The following FRMD4A variants were observed in gnomAD, a reference collection of about 807,000 sequenced individuals.
The protein encoded by FRMD4A is FERM domain containing 4A, also known as FERM domain-containing protein 4A.
A neutral mutation model predicts 129.1 loss-of-function variants in FRMD4A; 29 were observed. The ratio of observed to expected loss-of-function variants is 0.22; its 90% CI spans 0.17 to 0.31. The LOEUF (loss-of-function observed/expected upper bound fraction) is 0.31, where lower values mean the gene tolerates loss of function less well. FRMD4A is among the 10% of genes least tolerant of loss of function. The pLI is 1.00. For synonymous variants in FRMD4A, 634 were observed against 571.6 expected, an observed-to-expected ratio of 1.11 and a Z score of -1.56; for missense variants, 1,272 against 1,375.8, an observed-to-expected ratio of 0.92 and a Z score of 1.19.
chr10:13,977,509 T>A (rs1387670711), intron 2 of FRMD4A, among the ~76,000 whole-genome samples: 1 of 152,212 alleles, frequency 6.6e-6, no homozygotes. Context: ...TGAGATATAA[T>A]TGATATACCG....
intron 2 of FRMD4A, among the ~76,000 whole-genome samples, chr10:14,005,456 T>C (rs536630468): frequency 6.6e-6 from 1 of 152,228 alleles, no homozygotes; most frequent in Non-Finnish European, 1.5e-5. Context: ...GGTTAAGAAG[T>C]TGCAGTTCCT....
intron 2 of FRMD4A, among the ~76,000 whole-genome samples, chr10:14,184,144 T>A: frequency 7.0e-6 from 1 of 143,242 alleles, no homozygotes; most frequent in African/African-American, 2.6e-5. Context: ...TTTTTTTTTT[T>A]TTTTTGAGAG....
At chr10:13,871,761 G>C (rs531161333) in intron 2 of FRMD4A, among the ~76,000 whole-genome samples, 1 of 152,180 alleles carries the variant, frequency 6.6e-6, no homozygotes, top group African/African-American at 2.4e-5. Flanking sequence ...TGGACTGCTG[G>C]GGATGCCAAG....
intron 2 of FRMD4A, among the ~76,000 whole-genome samples, chr10:14,221,145 G>A (rs1843246545): frequency 1.3e-5 from 2 of 152,170 alleles, no homozygotes; most frequent in Admixed American, 1.3e-4. Context: ...GCAAACTCAG[G>A]TTCCTCCTTG....
At chr10:14,284,947 G>T (rs1030723538) in intron 2 of FRMD4A, among the ~76,000 whole-genome samples, 5 of 152,120 alleles carry the variant, frequency 3.3e-5, no homozygotes, top group Admixed American at 2.0e-4. Context: ...CTACAAAATT[G>T]CAGGGAACCA....
chr10:13,978,434 C>A (rs2095549574), intron 2 of FRMD4A, among the ~76,000 whole-genome samples: 1 of 152,148 alleles, frequency 6.6e-6, no homozygotes, highest in Non-Finnish European at 1.5e-5. Flanking sequence ...CTCTCACACC[C>A]ACCATGGGGC....
At chr10:14,285,872 T>A (rs1263818641) in intron 2 of FRMD4A, among the ~76,000 whole-genome samples, 1 of 152,204 alleles carries the variant, frequency 6.6e-6, no homozygotes, top group Non-Finnish European at 1.5e-5. Context: ...TCCAGTAAAC[T>A]AATCAAATGG....
chr10:14,224,075 G>A (rs1164955718), intron 2 of FRMD4A, among the ~76,000 whole-genome samples: 4 of 152,166 alleles, frequency 2.6e-5, no homozygotes, highest in Non-Finnish European at 4.4e-5. Flanking sequence ...GGAGTCCTGT[G>A]GCTCTCACAA....
At chr10:13,942,684 C>T (rs1300798536) in intron 2 of FRMD4A, among the ~76,000 whole-genome samples, 1 of 152,090 alleles carries the variant, frequency 6.6e-6, no homozygotes, top group African/African-American at 2.4e-5. Context: ...CCTGTAATCC[C>T]AGCACTTTAG....
intron 14 of FRMD4A, among the ~76,000 whole-genome samples, chr10:13,699,046 A>G (rs1331522464): frequency 7.2e-6 from 1 of 138,268 alleles, no homozygotes; most frequent in East Asian, 2.1e-4. Context: ...TAATTTATCT[A>G]CAATAATCTT....
In FRMD4A at chr10:13,769,053, C is replaced by T. The variant is rs571035225; in HGVS notation, c.385-6373G>A. ...TCGCCCAGGCTGGAGTGTAGTGGCG[C>T]GATTTCGGCTCACTGCAAGCTCTGC... On this transcript the variant is annotated intron_variant, in intron 6 of 24. Coordinates refer to ENST00000357447, the MANE Select transcript of FRMD4A (RefSeq NM_018027.5). 1.0e-4 allele frequency among the ~76,000 whole-genome samples: 15 copies of T among 143,570 alleles called. No individual in the cohort carries two copies. In the East Asian group the frequency reaches 2.9e-3, roughly 27 times the overall value. 94.2% of individuals were successfully genotyped at this position (143,570 alleles called of 152,430 possible).
At chr10:14,308,272 A>C (rs903316897) in intron 2 of FRMD4A, among the ~76,000 whole-genome samples, 1 of 152,230 alleles carries the variant, frequency 6.6e-6, no homozygotes, top group Non-Finnish European at 1.5e-5. Flanking sequence ...GTCTTGAATG[A>C]CACTCTTTTA....
intron 2 of FRMD4A, among the ~76,000 whole-genome samples, chr10:13,906,164 C>G (rs900360630): frequency 6.6e-6 from 1 of 152,240 alleles, no homozygotes; most frequent in Non-Finnish European, 1.5e-5. Flanking sequence ...ACGTAACCCT[C>G]ATGGCAATCA....
intron 2 of FRMD4A, among the ~76,000 whole-genome samples, chr10:14,287,005 G>A (rs1218450): frequency 0.086 from 13,085 of 152,144 alleles, 1,627 homozygotes; most frequent in African/African-American, 0.28. Flanking sequence ...ACTATATTTC[G>A]CATCACTCTT....
chr10:13,690,900 T>G (rs2085622959), intron 15 of FRMD4A, among the ~76,000 whole-genome samples: 1 of 152,212 alleles, frequency 6.6e-6, no homozygotes, highest in African/African-American at 2.4e-5. Context: ...ATTTCTCTTC[T>G]AGCCCACCAG....
chr10:14,123,865 T>G (rs4750465), intron 2 of FRMD4A, among the ~76,000 whole-genome samples: 152,282 of 152,284 alleles, frequency 1, 76,140 homozygotes, highest in Middle Eastern at 1. Flanking sequence ...AAATGGAGTG[T>G]TTTTCACCCT....
intron 2 of FRMD4A, among the ~76,000 whole-genome samples, chr10:14,005,264 C>T (rs750668340): frequency 6.6e-6 from 1 of 152,220 alleles, no homozygotes; most frequent in African/African-American, 2.4e-5. Flanking sequence ...CCTCGTGATC[C>T]GACCAGCTCG....
intron 2 of FRMD4A, among the ~76,000 whole-genome samples, chr10:13,913,963 AAG>A (rs2094971635): frequency 6.6e-6 from 1 of 152,130 alleles, no homozygotes; most frequent in Admixed American, 6.6e-5. Context: ...TGACTGGGGG[AAG>A]AGCTGGGAGG....
chr10:13,657,066 G>A lies in FRMD4A; in HGVS notation c.2523C>T (p.Ile841=), dbSNP rs2082221175. 3 of 1,575,922 alleles carry A rather than the reference G, an allele frequency of 1.9e-6. No individual in the cohort carries two copies. The highest frequency in any genetic ancestry group is 1.4e-5 in the African/African-American group (1 of 72,754). ...QYRIKEYPLY[I]EGGATPVVVR... Reference sequence around the variant, plus strand: ...CCACCACGGGCGTGGCGCCGCCCTCGATGTACAGCGGGTACTCCTTGATGC... The same window carrying A: ...CCACCACGGGCGTGGCGCCGCCCTCAATGTACAGCGGGTACTCCTTGATGC... Residue 841 remains isoleucine (I), a synonymous_variant, in exon 22 of 25, where the codon ATC becomes ATT. Transcript: ENST00000357447.
Sources: gnomAD v4.1 joint callset for allele counts (sites outside exome capture counted in the v4.1 genomes callset) on GRCh38, gnomAD v4.1.1 for gene constraint, MANE v1.5 for transcripts, NCBI Gene and HGNC (gene_info 2026-07-23, HGNC 2026-07-21) for gene names.